CPZ: variants seen among roughly 807,000 people sequenced by gnomAD.
CPZ encodes the protein VEZT/CPZ fusion.
CPZ carries 103 observed loss-of-function variants against 61.8 expected under a neutral mutation model. The ratio of observed to expected loss-of-function variants is 1.67; its 90% CI spans 1.42 to 1.96. The LOEUF (loss-of-function observed/expected upper bound fraction) is 1.96. Among genes scored for constraint, CPZ ranks in the 30% most tolerant of loss-of-function variants. The pLI is 0.00. For synonymous variants in CPZ, 551 were observed against 373.7 expected (o/e 1.47, Z -5.47); for missense variants, 1,461 against 914.9 (o/e 1.60, Z -7.70).
At chr4:8,613,015 C>T (rs1468926189) in intron 8 of CPZ, among the ~76,000 whole-genome samples, 13 of 152,194 alleles carry the variant, frequency 8.5e-5, no homozygotes, top group African/African-American at 2.4e-4. Flanking sequence ...CCTGGTGCGG[C>T]GCAGCCTCTC....
At chr4:8,595,533 C>T (rs1714114605) in intron 1 of CPZ, among the ~76,000 whole-genome samples, 1 of 152,212 alleles carries the variant, frequency 6.6e-6, no homozygotes, top group Non-Finnish European at 1.5e-5. Flanking sequence ...CCTACGGAGG[C>T]CAAGGCAGCT....
intron 8 of CPZ, among the ~76,000 whole-genome samples, chr4:8,613,991 AC>A (rs1715934604): frequency 6.6e-6 from 1 of 152,200 alleles, no homozygotes; most frequent in Non-Finnish European, 1.5e-5. Context: ...CTCACCAGAG[AC>A]AGCATGGGGG....
rs757789357 is a variant in CPZ, at chr4:8,606,012, G to A, written c.733G>A (p.Gly245Ser). The A allele has an allele frequency of 1.4e-5, 23 of 1,613,672 alleles. No homozygotes were observed. The highest frequency in any genetic ancestry group is 2.7e-5 in the African/African-American group (2 of 74,926). The change falls in exon 5 of 11, where the codon GGC (glycine) becomes AGC (serine). Residue 245 changes from glycine to serine, a missense_variant. Gly to Ser is a moderately conservative substitution (Grantham distance 56). Coordinates refer to ENST00000360986, the MANE Select transcript of CPZ (RefSeq NM_001014447.3). The part of the protein sequence containing the change: ...ELMEPEVKLI[G>S]NIHGNEVAGR... ...AGTGGAGCCCGAGGTGAAGCTCATC[G>A]GCAACATTCATGGCAACGAGGTGGC...
At position 8,619,608 on chromosome 4, in the gene CPZ, C is replaced by G; in HGVS notation, c.1950C>G (p.Leu650=). The change falls in exon 11 of 11, where the codon CTC becomes CTG. Residue 650 remains leucine (L), a synonymous_variant. Coordinates refer to ENST00000360986, the MANE Select transcript of CPZ (RefSeq NM_001014447.3). ...GCACCCACAGGCCACGCTGGCTGCTCAAGTACTAGCCCCGGCCCCAGCACC... is the reference window on the plus strand; with the variant it reads ...GCACCCACAGGCCACGCTGGCTGCTGAAGTACTAGCCCCGGCCCCAGCACC... ...SLSTHRPRWL[L]KY The G allele has an allele frequency of 6.7e-7, 1 of 1,501,878 alleles. No individual in the cohort carries two copies. The highest frequency in any genetic ancestry group is 1.4e-5 in the South Asian group (1 of 73,090). The allele number at this position is 1,501,878 out of a possible 1,614,324, so 93.0% of individuals were successfully genotyped here. A position where few individuals can be genotyped will look rare whatever the true frequency, so the allele number is the denominator to read the frequency against.
At chr4:8,611,082 G>A (rs1038569539) in intron 7 of CPZ, 39 of 362,400 alleles carry the variant, frequency 1.1e-4, no homozygotes, top group South Asian at 5.8e-4. Flanking sequence ...TCATTCATTC[G>A]CTCATTCACT....
At chr4:8,605,876 A>T (rs1199311658) in intron 4 of CPZ, 113 bp from the exon 5 acceptor site, 1 of 1,044,008 alleles carries the variant, frequency 9.6e-7, no homozygotes. Context: ...GAGTCAAAAC[A>T]AGTATGAATT....
chr4:8,619,251 T>C lies in CPZ; in HGVS notation c.1604-11T>C. 3.1e-6 allele frequency: 5 copies of C among 1,595,978 alleles called. No homozygotes were observed. The highest frequency in any genetic ancestry group is 3.4e-6 in the Non-Finnish European group (4 of 1,171,510). On this transcript the variant is annotated splice_polypyrimidine_tract_variant and intron_variant, in intron 10 of 10. Coordinates refer to ENST00000360986, the MANE Select transcript of CPZ (RefSeq NM_001014447.3). ...CCTCGTGAGAATCATTTTTAATCTATTTGTCCACAGCCCCAGATGGTGACT... is the reference window on the plus strand; with the variant it reads ...CCTCGTGAGAATCATTTTTAATCTACTTGTCCACAGCCCCAGATGGTGACT...
chr4:8,615,138 A>G (rs1389387313), intron 9 of CPZ, among the ~76,000 whole-genome samples: 2 of 152,034 alleles, frequency 1.3e-5, no homozygotes, highest in African/African-American at 4.8e-5. Flanking sequence ...GGGGCGGGGC[A>G]GGGCGTCCTG....
chr4:8,610,177 G>A (rs1715533388), intron 7 of CPZ, among the ~76,000 whole-genome samples: 1 of 152,198 alleles, frequency 6.6e-6, no homozygotes, highest in African/African-American at 2.4e-5. Flanking sequence ...GTGTTTCTGG[G>A]TCCCCATTCA....
chr4:8,615,025 C>A (rs922113667), intron 9 of CPZ, among the ~76,000 whole-genome samples: 7 of 151,826 alleles, frequency 4.6e-5, no homozygotes, highest in Non-Finnish European at 1.0e-4. Flanking sequence ...CTCCAGGAGG[C>A]GCAGAAGTGA....
rs1715986206 is a variant in CPZ, at chr4:8,614,419, G to A, written c.1424G>A (p.Cys475Tyr). 1.9e-6 allele frequency: 3 copies of A among 1,613,952 alleles called. No homozygotes were observed. Among genetic ancestry groups the A allele is most frequent in the East Asian group, 2.2e-5 (1 of 44,898 alleles). ...NCFEITVELG[C>Y]VKFPPEEALY... is the part of the protein sequence containing the mutation. ...TTTGAGATCACGGTAGAGCTGGGCTGTGTGAAGTTCCCCCCCGAGGAGGCC... is the reference window on the plus strand; with the variant it reads ...TTTGAGATCACGGTAGAGCTGGGCTATGTGAAGTTCCCCCCCGAGGAGGCC... Residue 475 changes from cysteine (C) to tyrosine (Y), a missense_variant, in exon 9 of 11, where the codon TGT becomes TAT. Cys to Tyr is a radical substitution (Grantham distance 194). Transcript: ENST00000360986.
At position 8,607,271 on chromosome 4, in the gene CPZ, C is replaced by G; in HGVS notation, c.1073C>G (p.Ala358Gly). 4 of 1,613,894 alleles carry G rather than the reference C, an allele frequency of 2.5e-6. No homozygotes were observed. Among genetic ancestry groups the G allele is most frequent in the Non-Finnish European group, 3.4e-6 (4 of 1,179,874 alleles). ...GGCCTCGTCTGTCCTGGGCAGGTGG[C>G]CCCGGAGACAAAGGCAATCATGAAG... ...IPQHYWWGKV[A>G]PETKAIMKWM... Residue 358 changes from alanine (A) to glycine (G), a missense_variant, in exon 7 of 11, where the codon GCC becomes GGC. Coordinates refer to ENST00000360986, the MANE Select transcript of CPZ (RefSeq NM_001014447.3).
chr4:8,614,685 CGTGCTCTGT>C (rs1301496823), intron 9 of CPZ, among the ~76,000 whole-genome samples, 187 bp downstream of exon 9: 3 of 152,216 alleles, frequency 2.0e-5, no homozygotes, highest in South Asian at 4.1e-4. Flanking sequence ...CTCTCCTTTG[CGTGCTCTGT>C]GGGTGCTGGG....
rs749219900 is a variant in CPZ at position 8,612,018 on chromosome 4, C to A, written c.1228-9C>A. On this transcript the variant is annotated splice_polypyrimidine_tract_variant and intron_variant, in intron 7 of 10. Coordinates refer to ENST00000360986, the MANE Select transcript of CPZ (RefSeq NM_001014447.3). ...CCCTTTCCTTATCTGAGCCAGGTTT[C>A]TTTTCCAGATGTTCAAGCTGCTGTC... is the stretch of plus-strand genomic sequence containing the variant. The A allele has an allele frequency of 1.2e-6, 2 of 1,613,922 alleles. No homozygotes were observed. Among genetic ancestry groups the A allele is most frequent in the South Asian group, 2.2e-5 (2 of 91,068 alleles).
At chr4:8,610,973 C>G (rs932968337) in intron 7 of CPZ, among the ~76,000 whole-genome samples, 1 of 151,858 alleles carries the variant, frequency 6.6e-6, no homozygotes, top group East Asian at 1.9e-4. Flanking sequence ...AGCAATCACT[C>G]ATTCACTCAG....
At chr4:8,618,584 C>G in intron 10 of CPZ, 56 bp downstream of exon 10, 1 of 1,517,000 alleles carries the variant, frequency 6.6e-7, no homozygotes, top group Non-Finnish European at 9.0e-7. Context: ...AAATGCCACA[C>G]CGTGGCAGCC....
At chr4:8,614,245 T>C (rs1211847469) in intron 8 of CPZ, 114 bp from the exon 9 acceptor site, 11 of 1,424,344 alleles carry the variant, frequency 7.7e-6, no homozygotes, top group Non-Finnish European at 7.6e-6. Context: ...CGGCTGTCTC[T>C]GCGCGGCTGA....
In CPZ at chr4:8,619,658, C is replaced by G; in HGVS notation, c.*41C>G. 1 of 1,400,550 alleles carries G rather than the reference C, an allele frequency of 7.1e-7. No individual in the cohort carries two copies. Among genetic ancestry groups the G allele is most frequent in the Non-Finnish European group, 9.5e-7 (1 of 1,058,120 alleles). 86.8% of individuals were successfully genotyped at this position (1,400,550 alleles called of 1,614,324 possible). On this transcript the variant is annotated 3_prime_UTR_variant, in exon 11 of 11. Coordinates refer to ENST00000360986, the MANE Select transcript of CPZ (RefSeq NM_001014447.3). ...CCGCCAGGATGTGGAGACCGAGGCC[C>G]ATCTCCGCATCCCGGGCTCCTGGCT...
At chr4:8,607,143 C>T (rs1283769998) in intron 6 of CPZ, 124 bp from the exon 7 acceptor site, 21 of 1,225,348 alleles carry the variant, frequency 1.7e-5, no homozygotes, top group Non-Finnish European at 2.3e-5. Context: ...CCAGCTGGTG[C>T]GTTGATGTAG....
Sources: gnomAD v4.1 joint callset for allele counts (sites outside exome capture counted in the v4.1 genomes callset) on GRCh38, gnomAD v4.1.1 for gene constraint, MANE v1.5 for transcripts, NCBI Gene and HGNC (gene_info 2026-07-23, HGNC 2026-07-21) for gene names.